Variants in MXRA8 observed in about 807,000 individuals in gnomAD.
MXRA8 encodes the protein matrix remodeling-associated protein 8.
In MXRA8, 44 loss-of-function variants were observed where a neutral mutation model predicts 51.4. The ratio of observed to expected loss-of-function variants is 0.86; its 90% confidence interval spans 0.67 to 1.10. The LOEUF (loss-of-function observed/expected upper bound fraction) is 1.10. Ranked by LOEUF, MXRA8 falls within the 50% of genes least tolerant of loss-of-function variation. The probability of loss-of-function intolerance (pLI) is 0.00; values close to 1 mark genes in which losing one functional copy is unlikely to be tolerated. For synonymous variants in MXRA8, 369 were observed against 293.5 expected (o/e 1.26, Z -2.63); for missense variants, 765 against 638.9 (o/e 1.20, Z -2.13).
Position 1,355,266 on chromosome 1 carries a change from G to C in MXRA8, c.456C>G (p.Val152=). 6.4e-7 allele frequency: 1 copy of C among 1,571,294 alleles called. No individual in the cohort carries two copies. Among genetic ancestry groups the C allele is most frequent in the Non-Finnish European group, 8.6e-7 (1 of 1,163,234 alleles). The change falls in exon 4 of 10, where the codon GTC becomes GTG. Residue 152 remains valine, a synonymous_variant. Transcript: ENST00000309212. ...CACGGCCGTCGGTGACCTCCAGGCG[G>C]ACGGCCAGGCTCTCGTAGAGGTGGC... is the stretch of plus-strand genomic sequence containing the variant. The part of the protein sequence containing the change: ...HYCHLYESLA[V]RLEVTDGPPA...
In MXRA8 at chr1:1,353,944, A is replaced by T; in HGVS notation, c.1223-16T>A. 1 of 1,607,788 alleles carries T rather than the reference A, an allele frequency of 6.2e-7. No homozygotes were observed. Among genetic ancestry groups the T allele is most frequent in the South Asian group, 1.1e-5 (1 of 90,378 alleles). On this transcript the variant is annotated splice_polypyrimidine_tract_variant and intron_variant, in intron 8 of 9. Coordinates refer to ENST00000309212, the MANE Select transcript of MXRA8 (RefSeq NM_032348.4). ...TTTTTGTAATCTGTGGGAGGAGAGG[A>T]GGCTGAGGTCCCCGCTCCCAGGATG...
upstream of MXRA8, chr1:1,361,604 G>A (rs563161607): frequency 2.3e-6 from 1 of 428,838 alleles, no homozygotes; most frequent in Non-Finnish European, 4.4e-6. Context: ...TGTGGTAGGG[G>A]GGCCACTGCT....
chr1:1,354,959 G>A lies in MXRA8; in HGVS notation c.672C>T (p.Asp224=), dbSNP rs572362051. 5.6e-6 allele frequency: 9 copies of A among 1,600,086 alleles called. No individual in the cohort carries two copies. The highest frequency in any genetic ancestry group is 1.3e-5 in the African/African-American group (1 of 74,742). The change falls in exon 5 of 10, where the codon GAC becomes GAT. Residue 224 remains aspartate, a synonymous_variant. Transcript: ENST00000309212. ...CGCGGCGCTCGCCCGACGCGTAGAGGTCCAGCAGGCGGTCCGCGCGGTCGT... is the reference window on the plus strand; with the variant it reads ...CGCGGCGCTCGCCCGACGCGTAGAGATCCAGCAGGCGGTCCGCGCGGTCGT... ...VPHDRADRLL[D]LYASGERRAY...
chr1:1,355,295 A>C lies in MXRA8; in HGVS notation c.427T>G (p.Tyr143Asp). ...GLYTCNLHHH[Y>D]CHLYESLAVR... ...GCCAGGCTCTCGTAGAGGTGGCAGT[A>C]GTGATGGTGCAGGTTGCAGGTGTAC... Residue 143 changes from tyrosine to aspartate, a missense_variant, in exon 4 of 10, where the codon TAC (tyrosine) becomes GAC (aspartate). Physicochemically the swap from Tyr to Asp is radical, Grantham distance 160 (BLOSUM62 -3). Transcript: ENST00000309212. 1 of 1,579,560 alleles carries C rather than the reference A, an allele frequency of 6.3e-7. No individual in the cohort carries two copies. Among genetic ancestry groups the C allele is most frequent in the Non-Finnish European group, 8.6e-7 (1 of 1,166,354 alleles).
chr1:1,353,546 C>T lies in MXRA8; in HGVS notation c.*58G>A, dbSNP rs148936718. 79 of 1,540,896 alleles carry T rather than the reference C, an allele frequency of 5.1e-5. No homozygotes were observed. The highest frequency in any genetic ancestry group is 2.5e-4 in the South Asian group (21 of 83,020). On this transcript the variant is annotated 3_prime_UTR_variant, in exon 10 of 10. Coordinates refer to ENST00000309212, the MANE Select transcript of MXRA8 (RefSeq NM_032348.4). ...AGCCCCGGAGCATCAGGAGATGCCC[C>T]GAGGAGCACAGACAGGAGAGGTGCA...
upstream of MXRA8, chr1:1,361,115 A>T: frequency 1.4e-6 from 1 of 694,770 alleles, no homozygotes; most frequent in East Asian, 2.7e-5. Flanking sequence ...ACACGCATGC[A>T]TGCACATGAA....
upstream of MXRA8, among the ~76,000 whole-genome samples, chr1:1,360,950 A>C (rs1283365820): frequency 6.6e-6 from 1 of 150,508 alleles, no homozygotes; most frequent in East Asian, 2.0e-4. Flanking sequence ...ACGCATGCAC[A>C]TGAAGACACG....
At chr1:1,360,779 T>C (rs1644211407), upstream of MXRA8, among the ~76,000 whole-genome samples, 2 of 151,914 alleles carry the variant, frequency 1.3e-5, no homozygotes, top group Admixed American at 6.6e-5. Context: ...CCCGTCTCAT[T>C]GGGAAGAAAA....
In MXRA8 at chr1:1,353,861, G is replaced by A. The variant is rs367562728; in HGVS notation, c.1290C>T (p.Ile430=). 3.7e-6 allele frequency: 6 copies of A among 1,600,642 alleles called. 1 individual carries two copies. In the South Asian group the frequency reaches 4.5e-5, roughly 12 times the overall value. The part of the protein sequence containing the change: ...LAHSPLPAKY[I]DLDKGFRKEN... ...CCCGCCGCTCACCTTTGTCTAGGTCGATGTACTTGGCAGGCAGGGGGCTGT... is the reference window on the plus strand; with the variant it reads ...CCCGCCGCTCACCTTTGTCTAGGTCAATGTACTTGGCAGGCAGGGGGCTGT... Residue 430 remains isoleucine (I), a synonymous_variant, in exon 9 of 10, where the codon ATC becomes ATT. Transcript: ENST00000309212.
At chr1:1,361,436 G>GT, upstream of MXRA8, 4 of 644,348 alleles carry the variant, frequency 6.2e-6, no homozygotes, top group South Asian at 3.4e-5. Flanking sequence ...TGAGACAGGG[G>GT]TCGGGGGGCG....
intron 1 of MXRA8, 49 bp from the exon 2 acceptor site, chr1:1,356,753 C>T (rs761536160): frequency 2.3e-6 from 3 of 1,327,040 alleles, no homozygotes; most frequent in Non-Finnish European, 2.9e-6. Flanking sequence ...CCCCACCCAG[C>T]CCCGAGACCC....
At position 1,354,450 on chromosome 1, in the gene MXRA8, G is replaced by C. The variant is rs1569782287; in HGVS notation, c.1009C>G (p.His337Asp). The change falls in exon 6 of 10, where the codon CAC becomes GAC. Residue 337 changes from histidine (H) to aspartate (D), a missense_variant. Physicochemically the swap from His to Asp is moderately conservative, Grantham distance 81 (BLOSUM62 -1). Coordinates refer to ENST00000309212, the MANE Select transcript of MXRA8 (RefSeq NM_032348.4). ...INVIVPESRA[H>D]FFQQLGYVLA... is the part of the protein sequence containing the mutation. ...ACGTAGCCCAGCTGCTGGAAGAAGTGGGCTCGGCTCTCGGGGACGATGACA... is the reference window on the plus strand; with the variant it reads ...ACGTAGCCCAGCTGCTGGAAGAAGTCGGCTCGGCTCTCGGGGACGATGACA... The C allele has an allele frequency of 6.2e-7, 1 of 1,612,476 alleles. No homozygotes were observed. The highest frequency in any genetic ancestry group is 8.5e-7 in the Non-Finnish European group (1 of 1,179,862).
Position 1,354,895 on chromosome 1 carries a change from C to G in MXRA8, c.736G>C (p.Gly246Arg). Reference protein sequence around the residue: ...PLFLRDRVAVGADAFERGDFS... With the variant: ...PLFLRDRVAVRADAFERGDFS... ...TCACCGCGCTCAAAGGCATCCGCGC[C>G]CACAGCCACGCGGTCGCGCAGAAAA... Residue 246 changes from glycine (G) to arginine (R), a missense_variant, in exon 5 of 10, where the codon GGC (glycine) becomes CGC (arginine). Coordinates refer to ENST00000309212, the MANE Select transcript of MXRA8 (RefSeq NM_032348.4). 4 of 1,611,316 alleles carry G rather than the reference C, an allele frequency of 2.5e-6. No individual in the cohort carries two copies. Among genetic ancestry groups the G allele is most frequent in the Non-Finnish European group, 3.4e-6 (4 of 1,179,388 alleles).
In MXRA8 at chr1:1,353,849, T is replaced by C; in HGVS notation, c.1302A>G (p.Lys434=). Residue 434 remains lysine, a splice_region_variant and synonymous_variant, in exon 9 of 10, where the codon AAA becomes AAG. Transcript: ENST00000309212. The stretch of plus-strand genomic sequence containing the variant: ...GCTGAGGTCGCCCCCGCCGCTCACC[T>C]TTGTCTAGGTCGATGTACTTGGCAG... The part of the protein sequence containing the change: ...PLPAKYIDLD[K]GFRKENCK 6.3e-7 allele frequency: 1 copy of C among 1,591,684 alleles called. No individual in the cohort carries two copies. The highest frequency in any genetic ancestry group is 8.6e-7 in the Non-Finnish European group (1 of 1,168,948).
At chr1:1,362,827 T>A (rs1379906539), upstream of MXRA8, among the ~76,000 whole-genome samples, 3 of 146,730 alleles carry the variant, frequency 2.0e-5, no homozygotes, top group African/African-American at 7.7e-5. Flanking sequence ...CTCACATCGG[T>A]AATCCCAGCA....
chr1:1,357,557 A>G (rs1398521444), intron 1 of MXRA8, among the ~76,000 whole-genome samples: 1 of 152,224 alleles, frequency 6.6e-6, no homozygotes, highest in East Asian at 1.9e-4. Context: ...CTGTAATCCC[A>G]GCACTTTGGG....
intron 1 of MXRA8, among the ~76,000 whole-genome samples, chr1:1,357,219 C>A (rs1010938999): frequency 1.3e-5 from 2 of 152,220 alleles, no homozygotes; most frequent in South Asian, 2.1e-4. Context: ...CACAGGCCCG[C>A]GTTGCTGCTT....
At chr1:1,361,193 C>T, upstream of MXRA8, 1 of 703,282 alleles carries the variant, frequency 1.4e-6, no homozygotes, top group Non-Finnish European at 2.6e-6. Flanking sequence ...CACACAGAAA[C>T]AGAGACACAC....
chr1:1,353,976 C>T (rs745469556), intron 8 of MXRA8, 48 bp from the exon 9 acceptor site: 3 of 1,517,770 alleles, frequency 2.0e-6, no homozygotes, highest in Admixed American at 4.0e-5. Context: ...GATGCACTTC[C>T]CAGCCCGGGA....
Sources: gnomAD v4.1 joint callset for allele counts (sites outside exome capture counted in the v4.1 genomes callset) on GRCh38, gnomAD v4.1.1 for gene constraint, MANE v1.5 for transcripts, NCBI Gene and HGNC (gene_info 2026-07-23, HGNC 2026-07-21) for gene names.